ABCA13: variants seen among roughly 807,000 people sequenced by gnomAD.
The protein encoded by ABCA13 is ATP binding cassette subfamily A member 13.
In ABCA13, 476 loss-of-function variants were observed where a neutral mutation model predicts 478.7. The ratio of observed to expected loss-of-function variants is 0.99; its 90% CI spans 0.92 to 1.07. The LOEUF is 1.07. Among genes scored for constraint, ABCA13 ranks in the 50% least tolerant of loss-of-function variants. The pLI, the probability that ABCA13 is intolerant of heterozygous loss-of-function variation, is 0.00. For synonymous variants in ABCA13, 2,252 were observed against 2,158.9 expected (o/e 1.04, Z -1.20); for missense variants, 6,060 against 5,910.6 (o/e 1.03, Z -0.83).
intron 56 of ABCA13, among the ~76,000 whole-genome samples, chr7:48,582,446 C>T (rs1788794546): frequency 1.3e-5 from 2 of 152,140 alleles, no homozygotes; most frequent in Admixed American, 1.3e-4. Flanking sequence ...AACATGTGTG[C>T]CTCACCTCCA....
Position 48,392,012 on chromosome 7 carries a change from G to A in ABCA13, c.11746G>A (p.Glu3916Lys). 1 of 1,614,012 alleles carries A rather than the reference G, an allele frequency of 6.2e-7. No individual in the cohort carries two copies. Among genetic ancestry groups the A allele is most frequent in the Non-Finnish European group, 8.5e-7 (1 of 1,179,888 alleles). ...LQTDLSRVRMELGVCPQQDIL... is the reference protein window; with the variant it reads ...LQTDLSRVRMKLGVCPQQDIL... The stretch of plus-strand genomic sequence containing the variant: ...GACAGACCTGTCGAGGGTCAGAATG[G>A]AGCTTGGTGTGTGTCCGCAGCAGGA... The change falls in exon 38 of 62, where the codon GAG becomes AAG. Residue 3916 changes from glutamate to lysine, a missense_variant. This residue lies in a region of ABCA13 where 1,627 missense variants were observed against 1,571.0 expected (regional missense o/e 1.04). Transcript: ENST00000435803.
intron 55 of ABCA13, among the ~76,000 whole-genome samples, chr7:48,535,525 G>T (rs924226316): frequency 6.6e-6 from 1 of 152,184 alleles, no homozygotes; most frequent in African/African-American, 2.4e-5. Context: ...TGTATCGGCT[G>T]CCCTTGTGGA....
chr7:48,214,418 CAA>C (rs1379686810), intron 3 of ABCA13, among the ~76,000 whole-genome samples: 1 of 152,198 alleles, frequency 6.6e-6, no homozygotes, highest in Non-Finnish European at 1.5e-5. Context: ...TAGCCCCTAA[CAA>C]GAGAGTCAGC....
intron 44 of ABCA13, among the ~76,000 whole-genome samples, chr7:48,470,275 T>C (rs1197107375): frequency 6.6e-6 from 1 of 152,184 alleles, no homozygotes; most frequent in African/African-American, 2.4e-5. Flanking sequence ...TGGGTCATTA[T>C]GTACCTCTCA....
In ABCA13 at chr7:48,611,494, G is replaced by C. The variant is rs552380874; in HGVS notation, c.14745-3791G>C. Among the ~76,000 whole-genome samples the C allele has an allele frequency of 9.7e-4, 148 of 152,300 alleles. 1 individual carries two copies. The highest frequency in any genetic ancestry group is 3.4e-3 in the Middle Eastern group (1 of 294). On this transcript the variant is annotated intron_variant, in intron 58 of 61. Transcript: ENST00000435803. ...GTTTAACAGGCTCACGGTTCCACAG[G>C]CTGTACAGGAAGCATGGCTAGGGAG... is the stretch of plus-strand genomic sequence containing the variant.
intron 59 of ABCA13, among the ~76,000 whole-genome samples, chr7:48,631,549 A>G (rs907730470): frequency 1.3e-5 from 2 of 152,040 alleles, no homozygotes; most frequent in Admixed American, 6.6e-5. Flanking sequence ...TGTTTTGGTT[A>G]TTGTAGCCTT....
At position 48,568,937 on chromosome 7, in the gene ABCA13, T is replaced by TA. The variant is rs1171361994; in HGVS notation, c.14355-11281dup. On this transcript the variant is annotated intron_variant, in intron 55 of 61. Coordinates refer to ENST00000435803, the MANE Select transcript of ABCA13 (RefSeq NM_152701.5). ...TTTGGCATACGAATATTTAGACTAT[T>TA]AAAAAATTTTCCATTTCTTTAAGAT... Among the ~76,000 whole-genome samples, 7 of 152,064 alleles carry TA rather than the reference T, an allele frequency of 4.6e-5. No individual in the cohort carries two copies. In the East Asian group the frequency reaches 1.4e-3, roughly 29 times the overall value.
chr7:48,402,727 A>G (rs1418840843), intron 38 of ABCA13, among the ~76,000 whole-genome samples: 2 of 152,160 alleles, frequency 1.3e-5, no homozygotes, highest in African/African-American at 4.8e-5. Context: ...GGCCCCAACT[A>G]TTCTTGAAGC....
intron 55 of ABCA13, among the ~76,000 whole-genome samples, chr7:48,533,221 T>C (rs1833357605): frequency 6.6e-6 from 1 of 152,092 alleles, no homozygotes; most frequent in African/African-American, 2.4e-5. Context: ...GTTCAAAGAA[T>C]TTTTGAATGT....
intron 42 of ABCA13, among the ~76,000 whole-genome samples, chr7:48,437,254 T>A (rs12718269): frequency 0.3 from 44,980 of 151,692 alleles, 6,700 homozygotes; most frequent in East Asian, 0.37. Flanking sequence ...TGACTCTTTT[T>A]TTAAAGGGTC....
intron 38 of ABCA13, among the ~76,000 whole-genome samples, chr7:48,398,300 T>G (rs2129065856): frequency 6.6e-6 from 1 of 152,306 alleles, no homozygotes; most frequent in East Asian, 1.9e-4. Context: ...AATGCTACAT[T>G]TGCTTCATCT....
At chr7:48,383,740 C>T (rs1814751969) in intron 35 of ABCA13, among the ~76,000 whole-genome samples, 1 of 152,192 alleles carries the variant, frequency 6.6e-6, no homozygotes, top group South Asian at 2.1e-4. Context: ...ATTCAGTTAT[C>T]TCCAATATCA....
At chr7:48,479,269 G>T (rs558186105) in intron 45 of ABCA13, among the ~76,000 whole-genome samples, 3 of 151,434 alleles carry the variant, frequency 2.0e-5, no homozygotes, top group East Asian at 1.9e-4. Context: ...ACAGAGTCTC[G>T]CTCTGTGGCC....
In ABCA13 at chr7:48,279,050, C is replaced by G. The variant is rs759135935; in HGVS notation, c.7856C>G (p.Pro2619Arg). 8 of 1,612,860 alleles carry G rather than the reference C, an allele frequency of 5.0e-6. No individual in the cohort carries two copies. The South Asian group carries it at 7.7e-5, about 15-fold the overall frequency. ...AACTCTGATATTTTCAGTATGTCAC[C>G]TAGCATACTCTCATATATGAACCAA... ...SSNSDIFSMS[P>R]SILSYMNQSK... The change falls in exon 18 of 62, where the codon CCT becomes CGT. Residue 2619 changes from proline (P) to arginine (R), a missense_variant. Pro to Arg is a moderately radical substitution (Grantham distance 103, BLOSUM62 -2). Transcript: ENST00000435803.
intron 24 of ABCA13, among the ~76,000 whole-genome samples, chr7:48,312,326 A>C (rs1801899911): frequency 6.6e-6 from 1 of 152,324 alleles, no homozygotes; most frequent in African/African-American, 2.4e-5. Flanking sequence ...TCATTTATCC[A>C]TTCATCCAAC....
chr7:48,469,696 G>A (rs751410624), intron 44 of ABCA13, among the ~76,000 whole-genome samples: 15 of 151,968 alleles, frequency 9.9e-5, no homozygotes, highest in Non-Finnish European at 1.9e-4. Flanking sequence ...CGAGGTGGGC[G>A]GATCACGAGG....
intron 3 of ABCA13, among the ~76,000 whole-genome samples, chr7:48,203,274 C>T (rs12718303): frequency 0.2 from 30,902 of 152,178 alleles, 3,398 homozygotes; most frequent in Middle Eastern, 0.25. Context: ...CGCACGCAGC[C>T]CCGGTTCCCG....
intron 2 of ABCA13, among the ~76,000 whole-genome samples, chr7:48,195,793 C>A (rs1797845248): frequency 6.6e-6 from 1 of 151,990 alleles, no homozygotes; most frequent in Non-Finnish European, 1.5e-5. Flanking sequence ...GGAAGGGAAA[C>A]AAAGAGGTTT....
At chr7:48,204,571 G>C (rs1441639628) in intron 3 of ABCA13, among the ~76,000 whole-genome samples, 2 of 152,124 alleles carry the variant, frequency 1.3e-5, no homozygotes, top group African/African-American at 2.4e-5. Context: ...GATTCGCCAG[G>C]GAGAAGGATT....
Sources: gnomAD v4.1 joint callset for allele counts (sites outside exome capture counted in the v4.1 genomes callset) on GRCh38, gnomAD v4.1.1 for gene constraint, gnomAD v4.1.1 regional missense constraint, MANE v1.5 for transcripts, NCBI Gene and HGNC (gene_info 2026-07-23, HGNC 2026-07-21) for gene names.